Variants in NUGGC observed in about 807,000 individuals in gnomAD.
The protein encoded by NUGGC is nuclear GTPase, germinal center associated.
A neutral mutation model predicts 92.6 loss-of-function variants in NUGGC; 58 were observed. The observed-to-expected ratio is 0.63, with a 90% confidence interval of 0.51 to 0.78. NUGGC has a LOEUF of 0.78. NUGGC is among the 30% of genes least tolerant of loss of function. The pLI, the probability that NUGGC is intolerant of heterozygous loss-of-function variation, is 0.00. For synonymous variants in NUGGC, 376 were observed against 366.4 expected (o/e 1.03, Z -0.30); for missense variants, 925 against 964.6 (o/e 0.96, Z 0.54).
At chr8:28,080,286 CAGAG>C (rs372986321) in intron 1 of NUGGC, among the ~76,000 whole-genome samples, 27 of 150,704 alleles carry the variant, frequency 1.8e-4, no homozygotes, top group East Asian at 1.5e-3. Flanking sequence ...TAAAACAAGC[CAGAG>C]AGAGAGAGAG....
chr8:28,079,224 A>G (rs1810790894), intron 1 of NUGGC, among the ~76,000 whole-genome samples: 1 of 152,164 alleles, frequency 6.6e-6, no homozygotes, highest in Non-Finnish European at 1.5e-5. Context: ...CCTGTACTAG[A>G]ACAGCTGCAT....
chr8:28,042,420 AC>A (rs1196010440), intron 12 of NUGGC, among the ~76,000 whole-genome samples: 3 of 151,922 alleles, frequency 2.0e-5, no homozygotes, highest in Admixed American at 2.0e-4. Flanking sequence ...CCAAGTAGCT[AC>A]CCCTGGACTT....
intron 14 of NUGGC, among the ~76,000 whole-genome samples, chr8:28,033,065 T>A (rs1585556624): frequency 1.3e-5 from 2 of 152,008 alleles, no homozygotes; most frequent in Non-Finnish European, 2.9e-5. Context: ...GAGGCTGAGA[T>A]GGGAGGATTG....
chr8:28,034,047 G>C (rs4732804), intron 13 of NUGGC, among the ~76,000 whole-genome samples: 84,663 of 152,058 alleles, frequency 0.56, 24,133 homozygotes, highest in East Asian at 0.73. Flanking sequence ...CAACATCTGG[G>C]AATAACTTAA....
At chr8:28,037,034 C>T (rs1809571595) in intron 13 of NUGGC, among the ~76,000 whole-genome samples, 2 of 152,152 alleles carry the variant, frequency 1.3e-5, no homozygotes, top group South Asian at 4.1e-4. Context: ...CCTGCTAACG[C>T]TGTACATACA....
chr8:28,082,851 A>C (rs2130304475), intron 1 of NUGGC, among the ~76,000 whole-genome samples: 1 of 152,282 alleles, frequency 6.6e-6, no homozygotes, highest in South Asian at 2.1e-4. Flanking sequence ...GATTACAGTG[A>C]GCCATGTTCA....
intron 11 of NUGGC, among the ~76,000 whole-genome samples, chr8:28,047,111 T>C (rs1319962504): frequency 6.6e-6 from 1 of 151,702 alleles, no homozygotes; most frequent in Admixed American, 6.6e-5. Flanking sequence ...GCTGAGATTA[T>C]AGGCATGCAC....
chr8:28,069,978 G>T, intron 3 of NUGGC: 1 of 396,186 alleles, frequency 2.5e-6, no homozygotes, highest in Non-Finnish European at 3.4e-6. Flanking sequence ...AGGACACCAT[G>T]CTGACACCCA....
Position 28,074,350 on chromosome 8 carries a change from A to G in NUGGC, c.43+18T>C. On this transcript the variant is annotated intron_variant, in intron 2 of 18. Transcript: ENST00000413272. ...CAGTTCCTATATCCTCCATCAGAAG[A>G]TACTGCAAAGATGTTACCTGGATGC... The G allele has an allele frequency of 1.3e-6, 2 of 1,577,710 alleles. No individual in the cohort carries two copies. The highest frequency in any genetic ancestry group is 1.7e-6 in the Non-Finnish European group (2 of 1,147,138).
rs1442649100 is a variant in NUGGC, at chr8:28,033,553, C to T, written c.1756G>A (p.Gly586Arg). ...GAGATCCTTTACCTAAAAATGCTTC[C>T]AAAAACAGGGTCGATCTGGTCATAG... ...PVYDQIDPVF[G>R]SIFRTGKPTG... Residue 586 changes from glycine (G) to arginine (R), a missense_variant, in exon 14 of 19, where the codon GGA becomes AGA. By Grantham distance (125) the Gly-to-Arg change is moderately radical (BLOSUM62 -2). Coordinates refer to ENST00000413272, the MANE Select transcript of NUGGC (RefSeq NM_001010906.2). The T allele has an allele frequency of 6.2e-7, 1 of 1,612,924 alleles. No individual in the cohort carries two copies. Among genetic ancestry groups the T allele is most frequent in the Non-Finnish European group, 8.5e-7 (1 of 1,179,622 alleles).
At chr8:28,079,079 C>G (rs1173871752) in intron 1 of NUGGC, among the ~76,000 whole-genome samples, 1 of 152,206 alleles carries the variant, frequency 6.6e-6, no homozygotes, top group Non-Finnish European at 1.5e-5. Flanking sequence ...CTGCACAGAA[C>G]TGATTTCCTG....
chr8:28,076,681 C>T (rs1391816135), intron 1 of NUGGC, among the ~76,000 whole-genome samples: 2 of 152,052 alleles, frequency 1.3e-5, no homozygotes, highest in African/African-American at 2.4e-5. Flanking sequence ...GCAAATGAAG[C>T]GGCACTCACA....
At position 28,069,591 on chromosome 8, in the gene NUGGC, C is replaced by G. The variant is rs753884071; in HGVS notation, c.210G>C (p.Gln70His). Residue 70 changes from glutamine to histidine, a missense_variant, in exon 4 of 19, where the codon CAG becomes CAC. Transcript: ENST00000413272. Reference sequence around the variant, plus strand: ...GGATGCTGTCATCCAGGAAGACAGACTGAATAAGTTTCTGATAAGTGTTGC... The same window carrying G: ...GGATGCTGTCATCCAGGAAGACAGAGTGAATAAGTTTCTGATAAGTGTTGC... The part of the protein sequence containing the change: ...VLSNTYQKLI[Q>H]SVFLDDSIPN... 3.1e-6 allele frequency: 5 copies of G among 1,611,858 alleles called. No homozygotes were observed. The Admixed American group carries it at 8.3e-5, about 27-fold the overall frequency.
Position 28,027,065 on chromosome 8 carries a change from GAC to G in NUGGC, c.2155-15_2155-14del, listed in dbSNP as rs1290620180. The G allele has an allele frequency of 2.5e-6, 4 of 1,596,090 alleles. No homozygotes were observed. The highest frequency in any genetic ancestry group is 3.4e-6 in the Non-Finnish European group (4 of 1,163,820). ...CCACGATTCCAGTCTATGCAACAAG[GAC>G]ATTCAGTCTGTTAGGATGGTGCAGC... On this transcript the variant is annotated splice_polypyrimidine_tract_variant and intron_variant, in intron 17 of 18. Transcript: ENST00000413272.
At chr8:28,059,803 C>A (rs929093454) in intron 8 of NUGGC, among the ~76,000 whole-genome samples, 1 of 152,168 alleles carries the variant, frequency 6.6e-6, no homozygotes, top group African/African-American at 2.4e-5. Flanking sequence ...GGGCAGATCA[C>A]CTGAGGTCCG....
At chr8:28,042,040 T>C (rs1340891181) in intron 12 of NUGGC, among the ~76,000 whole-genome samples, 1 of 152,090 alleles carries the variant, frequency 6.6e-6, no homozygotes, top group East Asian at 1.9e-4. Context: ...ATGAGTCTCA[T>C]GAGATCTGAT....
chr8:28,077,745 C>T (rs1810758656), intron 1 of NUGGC, among the ~76,000 whole-genome samples: 1 of 152,108 alleles, frequency 6.6e-6, no homozygotes, highest in Non-Finnish European at 1.5e-5. Flanking sequence ...CATGGTCGAC[C>T]TCCAGGACAG....
chr8:28,079,141 T>C (rs1280815210), intron 1 of NUGGC, among the ~76,000 whole-genome samples: 3 of 152,220 alleles, frequency 2.0e-5, no homozygotes, highest in Admixed American at 2.0e-4. Flanking sequence ...CCCCTCCTTT[T>C]CTTCTGTTTG....
At chr8:28,076,379 A>G (rs566886194) in intron 1 of NUGGC, among the ~76,000 whole-genome samples, 1 of 152,124 alleles carries the variant, frequency 6.6e-6, no homozygotes, top group African/African-American at 2.4e-5. Context: ...GTTTACTACA[A>G]CCTCCACCTC....
Sources: allele counts gnomAD v4.1 joint callset (sites outside exome capture counted in the v4.1 genomes callset), GRCh38; gene constraint gnomAD v4.1.1; transcripts MANE v1.5; gene names NCBI Gene and HGNC (gene_info 2026-07-23, HGNC 2026-07-21).